The following CHMP1A variants were observed in gnomAD, a reference collection of about 807,000 sequenced individuals.
CHMP1A encodes VPS46 homolog A.
CHMP1A carries 17 observed loss-of-function variants against 27.0 expected under a neutral mutation model. The ratio of observed to expected loss-of-function variants is 0.63; its 90% CI spans 0.43 to 0.95. CHMP1A has a LOEUF of 0.95. CHMP1A is among the 40% of genes least tolerant of loss of function. CHMP1A has a pLI of 0.00. For missense variants in CHMP1A, 275 were observed against 264.0 expected, an observed-to-expected ratio of 1.04 and a Z score of -0.29; for synonymous variants, 131 against 107.5, an observed-to-expected ratio of 1.22 and a Z score of -1.35.
chr16:89,652,279 A>G (rs1259850135), intron 2 of CHMP1A, among the ~76,000 whole-genome samples: 129 of 133,992 alleles, frequency 9.6e-4, no homozygotes, highest in Middle Eastern at 5.0e-3. Flanking sequence ...CCAGCACCTC[A>G]AGGAAACAGG....
In CHMP1A at chr16:89,649,338, G is replaced by T. The variant is rs990450425; in HGVS notation, c.252+13C>A. On this transcript the variant is annotated intron_variant, in intron 4 of 6. Coordinates refer to ENST00000397901, the MANE Select transcript of CHMP1A (RefSeq NM_002768.5). Reference sequence around the variant, plus strand: ...CGAACGCCACCCATCCAGCACCAGGGCCCAGCACTCACCCCCTTCATAGTC... The same window carrying T: ...CGAACGCCACCCATCCAGCACCAGGTCCCAGCACTCACCCCCTTCATAGTC... 4 of 1,608,700 alleles carry T rather than the reference G, an allele frequency of 2.5e-6. No individual in the cohort carries two copies. The highest frequency in any genetic ancestry group is 2.7e-5 in the African/African-American group (2 of 74,908).
At position 89,647,206 on chromosome 16, in the gene CHMP1A, T is replaced by A. The variant is rs763821334; in HGVS notation, c.378A>T (p.Thr126=). Residue 126 remains threonine (T), a synonymous_variant, in exon 5 of 7, where the codon ACA becomes ACT. Coordinates refer to ENST00000397901, the MANE Select transcript of CHMP1A (RefSeq NM_002768.5). ...CCCAAGGGTAGGGGCCACATACCGA[T>A]GTATGGACGTCCAGGTTCTGCACCT... The part of the protein sequence containing the change: ...EQQVQNLDVH[T]SVMEDSMSSA... 3 of 1,608,874 alleles carry A rather than the reference T, an allele frequency of 1.9e-6. No homozygotes were observed. Among genetic ancestry groups the A allele is most frequent in the Non-Finnish European group, 8.5e-7 (1 of 1,178,212 alleles).
chr16:89,645,722 CT>C lies in CHMP1A; in HGVS notation c.*343del, dbSNP rs1208969652. The C allele has an allele frequency of 1.9e-5, 9 of 466,204 alleles. No individual in the cohort carries two copies. The highest frequency in any genetic ancestry group is 3.4e-5 in the Non-Finnish European group (9 of 267,798). 28.9% of individuals were successfully genotyped at this position (466,204 alleles called of 1,614,324 possible). ...GGCAACAGGGCAGCCCTGACCCCCTCTGGCTGATGGGAAGCAGCATGTCTGC... is the reference window on the plus strand; with the variant it reads ...GGCAACAGGGCAGCCCTGACCCCCTCGGCTGATGGGAAGCAGCATGTCTGC... On this transcript the variant is annotated 3_prime_UTR_variant, in exon 7 of 7. Transcript: ENST00000397901.
intron 6 of CHMP1A, 29 bp from the exon 7 acceptor site, chr16:89,646,116 G>C: frequency 6.6e-7 from 1 of 1,522,254 alleles, no homozygotes. Flanking sequence ...ACTCGGGTCA[G>C]GGCAGGGGAA....
At chr16:89,656,771 G>A (rs1244053735) in intron 1 of CHMP1A, among the ~76,000 whole-genome samples, 2 of 152,122 alleles carry the variant, frequency 1.3e-5, no homozygotes. Context: ...CACTTTTTCT[G>A]GTGCCCTCTG....
At chr16:89,649,690 C>G in intron 3 of CHMP1A, 193 bp from the exon 4 acceptor site, 1 of 609,946 alleles carries the variant, frequency 1.6e-6, no homozygotes, top group Non-Finnish European at 2.8e-6. Context: ...ATTCTCCTGC[C>G]TCAGCCTCCC....
Position 89,647,338 on chromosome 16 carries a change from C to A in CHMP1A, c.253-7G>T. On this transcript the variant is annotated splice_region_variant and splice_polypyrimidine_tract_variant and intron_variant, in intron 4 of 6. Transcript: ENST00000397901. ...GGGCCATATTCTTGGTCACCTGAGA[C>A]AGGAGAGAGCGCAGGAGGGAACAGG... 6.2e-7 allele frequency: 1 copy of A among 1,605,748 alleles called. No homozygotes were observed. Among genetic ancestry groups the A allele is most frequent in the Non-Finnish European group, 8.5e-7 (1 of 1,173,728 alleles).
At chr16:89,657,541 C>G (rs1423923558) in intron 1 of CHMP1A, 41 bp downstream of exon 1, 1 of 1,608,224 alleles carries the variant, frequency 6.2e-7, no homozygotes, top group Non-Finnish European at 8.5e-7. Context: ...AGCGGCCCCG[C>G]CCCGCGCGCG....
intron 2 of CHMP1A, 151 bp downstream of exon 2, chr16:89,653,753 C>G (rs892132439): frequency 1.1e-5 from 8 of 761,524 alleles, no homozygotes; most frequent in Non-Finnish European, 1.8e-5. Context: ...GCTCAATAAT[C>G]CCCTCCTTGG....
At position 89,647,188 on chromosome 16, in the gene CHMP1A, G is replaced by A; in HGVS notation, c.381+15C>T. 2 of 1,607,272 alleles carry A rather than the reference G, an allele frequency of 1.2e-6. No homozygotes were observed. The highest frequency in any genetic ancestry group is 1.7e-6 in the Non-Finnish European group (2 of 1,177,760). On this transcript the variant is annotated intron_variant, in intron 5 of 6. Transcript: ENST00000397901. Reference sequence around the variant, plus strand: ...TTGTCCCCAGGCCACAGCCCCAAGGGTAGGGGCCACATACCGATGTATGGA... The same window carrying A: ...TTGTCCCCAGGCCACAGCCCCAAGGATAGGGGCCACATACCGATGTATGGA...
Position 89,653,896 on chromosome 16 carries a change from G to T in CHMP1A, c.27+8C>A. On this transcript the variant is annotated splice_region_variant and intron_variant, in intron 2 of 6. Transcript: ENST00000397901. ...CAGGGCTGGGGTGAACGGCCATTCG[G>T]TACATACCTTCAACTGGAACAGGGT... is the stretch of plus-strand genomic sequence containing the variant. 6.2e-7 allele frequency: 1 copy of T among 1,613,436 alleles called. No individual in the cohort carries two copies. Among genetic ancestry groups the T allele is most frequent in the Non-Finnish European group, 8.5e-7 (1 of 1,179,520 alleles).
Position 89,647,286 on chromosome 16 carries a change from G to A in CHMP1A, c.298C>T (p.Leu100=), listed in dbSNP as rs763920606. 1.2e-6 allele frequency: 2 copies of A among 1,612,250 alleles called. No individual in the cohort carries two copies. Among genetic ancestry groups the A allele is most frequent in the Admixed American group, 3.3e-5 (2 of 59,796 alleles). ...ACCTTCTGCAGGTCCATGGTGCTCAGGGCCTTGTCCAGGGCTTTGGTCACC... is the reference window on the plus strand; with the variant it reads ...ACCTTCTGCAGGTCCATGGTGCTCAAGGCCTTGTCCAGGGCTTTGGTCACC... ...AQVTKALDKA[L]STMDLQKVSS... The change falls in exon 5 of 7, where the codon CTG becomes TTG. Residue 100 remains leucine (L), a synonymous_variant. Transcript: ENST00000397901.
At chr16:89,651,806 C>T (rs1286321195) in intron 2 of CHMP1A, among the ~76,000 whole-genome samples, 160 bp from the exon 3 acceptor site, 1 of 152,250 alleles carries the variant, frequency 6.6e-6, no homozygotes, top group East Asian at 1.9e-4. Context: ...AGGCGTGAAG[C>T]CTGTGGGCGT....
chr16:89,655,163 G>C (rs1302050589), intron 1 of CHMP1A, among the ~76,000 whole-genome samples: 2 of 152,080 alleles, frequency 1.3e-5, no homozygotes, highest in Non-Finnish European at 2.9e-5. Flanking sequence ...AGAAAGCTCT[G>C]GGCATCGTTC....
At chr16:89,648,821 G>A (rs113492671) in intron 4 of CHMP1A, among the ~76,000 whole-genome samples, 1 of 89,516 alleles carries the variant, frequency 1.1e-5, no homozygotes, top group South Asian at 4.7e-4. Flanking sequence ...AGCCCAGGAG[G>A]TTGAGACCAG....
chr16:89,648,553 G>C (rs1453861038), intron 4 of CHMP1A, among the ~76,000 whole-genome samples: 2 of 152,208 alleles, frequency 1.3e-5, no homozygotes, highest in Non-Finnish European at 2.9e-5. Flanking sequence ...GATGAGCCTG[G>C]CCATGCAGGC....
In CHMP1A at chr16:89,646,615, C is replaced by A. The variant is rs776889026; in HGVS notation, c.481G>T (p.Val161Leu). The change falls in exon 6 of 7, where the codon GTG becomes TTG. Residue 161 changes from valine to leucine, a missense_variant. Transcript: ENST00000397901. ...MQIAEENGLE[V>L]LDQLSQLPEG... ...GGCAGCTGGCTGAGCTGGTCCAGCA[C>A]CTCCAGGCCATTCTCCTCGGCGATC... is the stretch of plus-strand genomic sequence containing the variant. The A allele has an allele frequency of 1.9e-6, 3 of 1,607,032 alleles. No homozygotes were observed. The South Asian group carries it at 3.4e-5, about 18-fold the overall frequency.
chr16:89,647,608 A>ACCGCTGTGCTCTCCTGG (rs1568000367), intron 4 of CHMP1A, among the ~76,000 whole-genome samples: 1 of 129,974 alleles, frequency 7.7e-6, no homozygotes, highest in Non-Finnish European at 1.7e-5. Context: ...CGACGTGGAG[A>ACCGCTGTGCTCTCCTGG]CCCAGTGCGG....
rs992073388 is a variant in CHMP1A at position 89,654,055 on chromosome 16, C to T, written c.8-132G>A. 2.2e-4 allele frequency: 211 copies of T among 961,044 alleles called. 1 individual carries two copies. The highest frequency in any genetic ancestry group is 2.4e-4 in the Non-Finnish European group (144 of 604,048). The allele number at this position is 961,044 out of a possible 1,614,324, so 59.5% of individuals were successfully genotyped here. A position where few individuals can be genotyped will look rare whatever the true frequency, so the allele number is the denominator to read the frequency against. On this transcript the variant is annotated intron_variant, in intron 1 of 6. Coordinates refer to ENST00000397901, the MANE Select transcript of CHMP1A (RefSeq NM_002768.5). ...ACACACAGACCACACCTGCCTGGGGCCTTCGGGGAGCCCCCCCCAACAGGG... is the reference window on the plus strand; with the variant it reads ...ACACACAGACCACACCTGCCTGGGGTCTTCGGGGAGCCCCCCCCAACAGGG...
Sources: allele counts gnomAD v4.1 joint callset (sites outside exome capture counted in the v4.1 genomes callset), GRCh38; gene constraint gnomAD v4.1.1; transcripts MANE v1.5; gene names NCBI Gene and HGNC (gene_info 2026-07-23, HGNC 2026-07-21).